Variants in TAGLN2 observed in about 807,000 individuals in gnomAD.
The protein encoded by TAGLN2 is transgelin-2.
Under a neutral mutation model 24.9 loss-of-function variants are expected in TAGLN2, and 14 were observed. The ratio of observed to expected loss-of-function variants is 0.56; its 90% confidence interval spans 0.37 to 0.88. TAGLN2 has a LOEUF of 0.88. Ranked by LOEUF, TAGLN2 falls within the 40% of genes least tolerant of loss-of-function variation. The probability of loss-of-function intolerance (pLI) is 0.00; values close to 1 mark genes in which losing one functional copy is unlikely to be tolerated. For synonymous variants in TAGLN2, 77 were observed against 98.2 expected (o/e 0.78, Z 1.28); for missense variants, 208 against 258.9 (o/e 0.80, Z 1.35).
In TAGLN2 at chr1:159,919,855, G is replaced by A; in HGVS notation, c.181-20C>T. 3 of 1,610,374 alleles carry A rather than the reference G, an allele frequency of 1.9e-6. No individual in the cohort carries two copies. Among genetic ancestry groups the A allele is most frequent in the Non-Finnish European group, 2.5e-6 (3 of 1,177,032 alleles). On this transcript the variant is annotated intron_variant, in intron 2 of 4. Transcript: ENST00000368097. The stretch of plus-strand genomic sequence containing the variant: ...TAGCACCTGGATGAGGACAGCAGGG[G>A]TGGAAAGGTGAGAATATGCCTACCT...
rs113702185 is a variant in TAGLN2, at chr1:159,919,071, T to C, written c.459-130A>G. 7.0e-4 allele frequency: 1,015 copies of C among 1,440,078 alleles called. 10 individuals are homozygous for C. The African/African-American group carries it at 0.012, about 17-fold the overall frequency. 89.2% of individuals were successfully genotyped at this position (1,440,078 alleles called of 1,614,324 possible). ...AGCTCTGCCCTCGAGAGCCATAAGC[T>C]CTCTGAAGCCACCTCCTCATCTGTC... On this transcript the variant is annotated intron_variant, in intron 4 of 4. Transcript: ENST00000368097.
intron 1 of TAGLN2, chr1:159,923,831 T>G (rs938822285): frequency 4.3e-6 from 1 of 233,754 alleles, no homozygotes; most frequent in Non-Finnish European, 8.3e-6. Context: ...TACCAAACAG[T>G]GTTGGAGGCT....
chr1:159,919,629 A>C lies in TAGLN2; in HGVS notation c.355+32T>G, dbSNP rs762180272. ...CCCAGCCCAATCTCTGGCCTCCTGG[A>C]TGACAGGACCCAGCCCCTCGCCCTG... is the stretch of plus-strand genomic sequence containing the variant. On this transcript the variant is annotated intron_variant, in intron 3 of 4. Transcript: ENST00000368097. 3.1e-6 allele frequency: 5 copies of C among 1,605,020 alleles called. No individual in the cohort carries two copies. In the Admixed American group the frequency reaches 8.4e-5, roughly 27 times the overall value.
At chr1:159,922,136 C>G (rs1231423023) in intron 1 of TAGLN2, among the ~76,000 whole-genome samples, 1 of 152,210 alleles carries the variant, frequency 6.6e-6, no homozygotes. Flanking sequence ...CCGTCACCCC[C>G]TCTCAATGGA....
At chr1:159,919,532 C>A in intron 3 of TAGLN2, 129 bp downstream of exon 3, 1 of 1,346,450 alleles carries the variant, frequency 7.4e-7, no homozygotes, top group East Asian at 2.3e-5. Flanking sequence ...CCAAGTGCTC[C>A]ATGGAACACA....
intron 2 of TAGLN2, 137 bp downstream of exon 2, chr1:159,920,193 C>A: frequency 7.1e-7 from 1 of 1,411,586 alleles, no homozygotes; most frequent in African/African-American, 1.4e-5. Context: ...ACATCCTTGA[C>A]AAAGGCCTTC....
chr1:159,919,527 T>C lies in TAGLN2; in HGVS notation c.355+134A>G, dbSNP rs1650455780. ...CATTCCAGCCTCCAATATGACCAAGTGCTCCATGGAACACAAACACACCCC... is the reference window on the plus strand; with the variant it reads ...CATTCCAGCCTCCAATATGACCAAGCGCTCCATGGAACACAAACACACCCC... On this transcript the variant is annotated intron_variant, in intron 3 of 4. Coordinates refer to ENST00000368097, the MANE Select transcript of TAGLN2 (RefSeq NM_003564.3). 7 of 1,330,238 alleles carry C rather than the reference T, an allele frequency of 5.3e-6. No individual in the cohort carries two copies. The Admixed American group carries it at 7.5e-5, about 14-fold the overall frequency. 82.4% of individuals were successfully genotyped at this position (1,330,238 alleles called of 1,614,324 possible).
In TAGLN2 at chr1:159,919,258, T is replaced by C. The variant is rs745836401; in HGVS notation, c.458+16A>G. 6.2e-7 allele frequency: 1 copy of C among 1,606,966 alleles called. No individual in the cohort carries two copies. Among genetic ancestry groups the C allele is most frequent in the African/African-American group, 1.3e-5 (1 of 74,822 alleles). ...ATGCACCTGCTGGACCCTGCGGCTG[T>C]CCCAGCAATACTTACTTAGGGAACC... On this transcript the variant is annotated intron_variant, in intron 4 of 4. Transcript: ENST00000368097.
chr1:159,921,381 A>G lies in TAGLN2; in HGVS notation c.-28-844T>C, dbSNP rs1650527941. The stretch of plus-strand genomic sequence containing the variant: ...CAGAGTGGGAGAAGTAACAACAACA[A>G]CAACAAAATGGAAGTAGAAGTCAGA... On this transcript the variant is annotated intron_variant, in intron 1 of 4. Coordinates refer to ENST00000368097, the MANE Select transcript of TAGLN2 (RefSeq NM_003564.3). Among the ~76,000 whole-genome samples, 4 of 152,270 alleles carry G rather than the reference A, an allele frequency of 2.6e-5. No individual in the cohort carries two copies. In the South Asian group the frequency reaches 8.3e-4, roughly 32 times the overall value.
At chr1:159,923,925 G>C (rs148436959) in intron 1 of TAGLN2, among the ~76,000 whole-genome samples, 1 of 152,194 alleles carries the variant, frequency 6.6e-6, no homozygotes, top group Admixed American at 6.5e-5. Flanking sequence ...AAGTGGGATC[G>C]TCTCAGCAGT....
At chr1:159,919,889 T>G in intron 2 of TAGLN2, 54 bp from the exon 3 acceptor site, 1 of 1,584,612 alleles carries the variant, frequency 6.3e-7, no homozygotes, top group Non-Finnish European at 8.6e-7. Context: ...CTATCGCAGC[T>G]CAGCGTGCAC....
intron 4 of TAGLN2, 121 bp downstream of exon 4, chr1:159,919,153 G>A: frequency 8.0e-7 from 1 of 1,254,106 alleles, no homozygotes; most frequent in Non-Finnish European, 1.2e-6. Context: ...GTGAGATGAG[G>A]AATTTTCTGA....
chr1:159,919,767 G>A lies in TAGLN2; in HGVS notation c.249C>T (p.Ser83=). ...GQAPVKKIQA[S]TMAFKQMEQI... Reference sequence around the variant, plus strand: ...GCTCCATCTGCTTGAAGGCCATGGTGGAGGCCTGGATCTTCTTTACTGGGG... The same window carrying A: ...GCTCCATCTGCTTGAAGGCCATGGTAGAGGCCTGGATCTTCTTTACTGGGG... Residue 83 remains serine, a synonymous_variant, in exon 3 of 5, where the codon TCC becomes TCT. Transcript: ENST00000368097. 3.1e-6 allele frequency: 5 copies of A among 1,614,066 alleles called. No homozygotes were observed. Among genetic ancestry groups the A allele is most frequent in the Non-Finnish European group, 4.2e-6 (5 of 1,179,984 alleles).
rs751965089 is a variant in TAGLN2, at chr1:159,920,197, G to A, written c.180+133C>T. The A allele has an allele frequency of 4.2e-6, 6 of 1,423,704 alleles. No homozygotes were observed. The South Asian group carries it at 5.8e-5, about 14-fold the overall frequency. The allele number at this position is 1,423,704 out of a possible 1,614,324, so 88.2% of individuals were successfully genotyped here. A position where few individuals can be genotyped will look rare whatever the true frequency, so the allele number is the denominator to read the frequency against. ...TGGGCCCTCTCACATCCTTGACAAAGGCCTTCAAGCTGAGGAAGAGGCTGG... is the reference window on the plus strand; with the variant it reads ...TGGGCCCTCTCACATCCTTGACAAAAGCCTTCAAGCTGAGGAAGAGGCTGG... On this transcript the variant is annotated intron_variant, in intron 2 of 4. Coordinates refer to ENST00000368097, the MANE Select transcript of TAGLN2 (RefSeq NM_003564.3).
Sources: gnomAD v4.1 joint callset for allele counts (sites outside exome capture counted in the v4.1 genomes callset) on GRCh38, gnomAD v4.1.1 for gene constraint, MANE v1.5 for transcripts, NCBI Gene and HGNC (gene_info 2026-07-23, HGNC 2026-07-21) for gene names.